The following IKBKB variants were observed in gnomAD, a reference collection of about 807,000 sequenced individuals.
IKBKB encodes the protein inhibitor of nuclear factor kappa B kinase subunit beta.
In IKBKB, 42 loss-of-function variants were observed where a neutral mutation model predicts 113.6. That is an observed-to-expected ratio of 0.37 (90% CI 0.29 to 0.48). The LOEUF is 0.48. IKBKB is among the 20% of genes least tolerant of loss of function. The probability of loss-of-function intolerance (pLI) is 0.99; values close to 1 mark genes in which losing one functional copy is unlikely to be tolerated. For synonymous variants in IKBKB, 296 were observed against 361.3 expected, an observed-to-expected ratio of 0.82 and a Z score of 2.05; for missense variants, 673 against 939.7, an observed-to-expected ratio of 0.72 and a Z score of 3.71.
In IKBKB at chr8:42,298,475, G is replaced by A. The variant is rs183273313; in HGVS notation, c.388+4963G>A. ...CTTTGGGGAAGAGAGCTCCATTCCA[G>A]GAACTGCACATCAGGTGCACTGTCT... On this transcript the variant is annotated intron_variant, in intron 5 of 21. Transcript: ENST00000520810. The A allele has an allele frequency of 2.5e-5, 25 of 985,446 alleles. No homozygotes were observed. The East Asian group carries it at 2.6e-3, about 103-fold the overall frequency. 61.0% of individuals were successfully genotyped at this position (985,446 alleles called of 1,614,324 possible).
At position 42,331,662 on chromosome 8, in the gene IKBKB, C is replaced by T. The variant is rs1170189670; in HGVS notation, c.*683C>T. On this transcript the variant is annotated 3_prime_UTR_variant, in exon 22 of 22. Transcript: ENST00000520810. ...AAGTTGGAGCGAGTGCCAAGCTCTC[C>T]ATCTGTGGTCCTTTCTGCCAAGAGC... 18 of 518,314 alleles carry T rather than the reference C, an allele frequency of 3.5e-5. No individual in the cohort carries two copies. Among genetic ancestry groups the T allele is most frequent in the Admixed American group, 1.0e-4 (3 of 29,466 alleles). The allele number at this position is 518,314 out of a possible 1,614,324, so 32.1% of individuals were successfully genotyped here.
chr8:42,317,841 G>T, intron 12 of IKBKB, 70 bp downstream of exon 12: 1 of 1,148,252 alleles, frequency 8.7e-7, no homozygotes, highest in South Asian at 1.2e-5. Flanking sequence ...AGGGAAGGGA[G>T]ACTGGACTAA....
intron 19 of IKBKB, among the ~76,000 whole-genome samples, chr8:42,324,360 G>A (rs1377775090): frequency 6.6e-6 from 1 of 152,178 alleles, no homozygotes; most frequent in Non-Finnish European, 1.5e-5. Flanking sequence ...CACCTCCCGG[G>A]TTCAAGTGAT....
chr8:42,294,425 G>A (rs1813292143), intron 5 of IKBKB, among the ~76,000 whole-genome samples: 1 of 152,174 alleles, frequency 6.6e-6, no homozygotes, highest in South Asian at 2.1e-4. Flanking sequence ...TTCACCAGAT[G>A]TTAACATTCT....
chr8:42,329,946 G>C, intron 21 of IKBKB: 1 of 985,436 alleles, frequency 1.0e-6, no homozygotes, highest in Non-Finnish European at 1.2e-6. Flanking sequence ...GGATACCACT[G>C]TGAATTGCAG....
At chr8:42,325,839 C>T in intron 19 of IKBKB, 131 bp from the exon 20 acceptor site, 2 of 1,492,784 alleles carry the variant, frequency 1.3e-6, no homozygotes, top group Non-Finnish European at 1.8e-6. Context: ...GTGGGGGTGC[C>T]AACTGGTAGG....
At chr8:42,321,665 G>A (rs1009737052) in intron 16 of IKBKB, 2 of 479,610 alleles carry the variant, frequency 4.2e-6, no homozygotes, top group South Asian at 2.9e-5. Context: ...GGGACTACAG[G>A]CGCATGCCAC....
At position 42,271,327 on chromosome 8, in the gene IKBKB, A is replaced by T; in HGVS notation, c.-161A>T. ...GTGACGTCAGAGCAGGAAGTGTTTGAGGAAGTCGCGCCGCGCTGCCCGCGT... is the reference window on the plus strand; with the variant it reads ...GTGACGTCAGAGCAGGAAGTGTTTGTGGAAGTCGCGCCGCGCTGCCCGCGT... On this transcript the variant is annotated 5_prime_UTR_variant, in exon 1 of 22. Transcript: ENST00000520810. The T allele has an allele frequency of 9.4e-7, 1 of 1,063,792 alleles. No homozygotes were observed. The highest frequency in any genetic ancestry group is 1.4e-6 in the Non-Finnish European group (1 of 716,216). 65.9% of individuals were successfully genotyped at this position (1,063,792 alleles called of 1,614,324 possible).
rs1811928706 is a variant in IKBKB at position 42,288,681 on chromosome 8, C to T, written c.153C>T (p.Ser51=). Residue 51 remains serine (S), a synonymous_variant, in exon 3 of 22, where the codon AGC becomes AGT. Transcript: ENST00000520810. The stretch of plus-strand genomic sequence containing the variant: ...TCAAGCAGTGCCGGCAGGAGCTCAG[C>T]CCCCGGAACCGAGAGCGGTGGTGCC... The part of the protein sequence containing the change: ...IAIKQCRQEL[S]PRNRERWCLE... 1.2e-6 allele frequency: 2 copies of T among 1,610,678 alleles called. No homozygotes were observed. Among genetic ancestry groups the T allele is most frequent in the African/African-American group, 1.3e-5 (1 of 74,826 alleles).
Position 42,325,975 on chromosome 8 carries a change from G to C in IKBKB, c.1992G>C (p.Lys664Asn). Residue 664 changes from lysine (K) to asparagine (N), a missense_variant, in exon 20 of 22, where the codon AAG becomes AAC. By Grantham distance (94) the Lys-to-Asn change is moderately conservative. This residue lies in a region of IKBKB where 506 missense variants were observed against 638.7 expected (regional missense o/e 0.79). Transcript: ENST00000520810. ...LWNLLKIACS[K>N]VRGPVSGSPD... ...CTTTTGATTTTGTCCCCTAGAGCAAGGTCCGTGGTCCTGTCAGTGGAAGCC... is the reference window on the plus strand; with the variant it reads ...CTTTTGATTTTGTCCCCTAGAGCAACGTCCGTGGTCCTGTCAGTGGAAGCC... The C allele has an allele frequency of 6.2e-7, 1 of 1,614,148 alleles. No homozygotes were observed. Among genetic ancestry groups the C allele is most frequent in the African/African-American group, 1.3e-5 (1 of 75,052 alleles).
At position 42,331,760 on chromosome 8, in the gene IKBKB, A is replaced by T; in HGVS notation, c.*781A>T. 2.9e-6 allele frequency: 1 copy of T among 339,782 alleles called. No individual in the cohort carries two copies. The highest frequency in any genetic ancestry group is 2.7e-5 in the South Asian group (1 of 36,524). The allele number at this position is 339,782 out of a possible 1,614,324, so 21.0% of individuals were successfully genotyped here. A position where few individuals can be genotyped will look rare whatever the true frequency, so the allele number is the denominator to read the frequency against. ...CAAAAATTACTTGGGGGTGATTGTC[A>T]CAGAGGAGGGACAGAAAGGGTATCT... On this transcript the variant is annotated 3_prime_UTR_variant, in exon 22 of 22. Coordinates refer to ENST00000520810, the MANE Select transcript of IKBKB (RefSeq NM_001556.3).
chr8:42,306,611 G>A (rs1162647143), intron 7 of IKBKB, among the ~76,000 whole-genome samples, 179 bp downstream of exon 7: 2 of 152,242 alleles, frequency 1.3e-5, no homozygotes, highest in African/African-American at 4.8e-5. Flanking sequence ...CAGATGCCCT[G>A]TGGAGGGATG....
Position 42,326,105 on chromosome 8 carries a change from C to T in IKBKB, c.2114+8C>T. 1.2e-6 allele frequency: 2 copies of T among 1,614,164 alleles called. No homozygotes were observed. The highest frequency in any genetic ancestry group is 2.2e-5 in the South Asian group (2 of 91,088). ...TGAGCCAGCCAAGAAGAGGTAGGTC[C>T]TCCTTAGCAGTGCCAAGTGTGACCA... On this transcript the variant is annotated splice_region_variant and intron_variant, in intron 20 of 21. Transcript: ENST00000520810.
At chr8:42,289,870 G>A (rs1005910613) in intron 3 of IKBKB, among the ~76,000 whole-genome samples, 9 of 152,346 alleles carry the variant, frequency 5.9e-5, no homozygotes, top group South Asian at 2.1e-4. Context: ...AAAGGTCCTT[G>A]TAGGAGCAGT....
intron 7 of IKBKB, among the ~76,000 whole-genome samples, chr8:42,308,254 GA>G (rs1816927391): frequency 6.7e-6 from 1 of 148,538 alleles, no homozygotes; most frequent in African/African-American, 2.5e-5. Context: ...ATAAGCGCCT[GA>G]AATGCTGCAA....
chr8:42,278,811 G>A lies in IKBKB; in HGVS notation c.105+6606G>A, dbSNP rs368096843. Among the ~76,000 whole-genome samples, 16 of 152,140 alleles carry A rather than the reference G, an allele frequency of 1.1e-4. No individual in the cohort carries two copies. In the East Asian group the frequency reaches 2.3e-3, roughly 22 times the overall value. On this transcript the variant is annotated intron_variant, in intron 2 of 21. Coordinates refer to ENST00000520810, the MANE Select transcript of IKBKB (RefSeq NM_001556.3). ...GGAGTTCGAGACCAGCCTGACCAAC[G>A]TGGAGAAACCCCGTCTCTACTAAAA...
rs112407182 is a variant in IKBKB, at chr8:42,303,740, C to T, written c.389-1447C>T. On this transcript the variant is annotated intron_variant, in intron 5 of 21. Transcript: ENST00000520810. Reference sequence around the variant, plus strand: ...CAAGCTGGTCTTGAACTCCTGACCTCAGGTGATTCGCCCACGTTGGCCTCC... The same window carrying T: ...CAAGCTGGTCTTGAACTCCTGACCTTAGGTGATTCGCCCACGTTGGCCTCC... 4.4e-4 allele frequency among the ~76,000 whole-genome samples: 67 copies of T among 152,338 alleles called. 2 individuals carry two copies. Among genetic ancestry groups the T allele is most frequent in the African/African-American group, 1.4e-3 (60 of 41,580 alleles).
chr8:42,303,204 A>C (rs1181301557), intron 5 of IKBKB, among the ~76,000 whole-genome samples: 1 of 152,196 alleles, frequency 6.6e-6, no homozygotes, highest in Non-Finnish European at 1.5e-5. Flanking sequence ...CGGCGACGGC[A>C]TACAGAGGGT....
intron 19 of IKBKB, among the ~76,000 whole-genome samples, chr8:42,322,968 C>T (rs895708086): frequency 1.3e-5 from 2 of 152,126 alleles, no homozygotes. Context: ...TTGAAAGTCC[C>T]GTGTCAGCAG....
Sources: gnomAD v4.1 joint callset for allele counts (sites outside exome capture counted in the v4.1 genomes callset) on GRCh38, gnomAD v4.1.1 for gene constraint, gnomAD v4.1.1 regional missense constraint, MANE v1.5 for transcripts, NCBI Gene and HGNC (gene_info 2026-07-23, HGNC 2026-07-21) for gene names.